MGAM: variants seen among roughly 807,000 people sequenced by gnomAD.
MGAM encodes the protein alpha-1,4-glucosidase.
Under a neutral mutation model 358.8 loss-of-function variants are expected in MGAM, and 253 were observed. That is an observed-to-expected ratio of 0.71 (90% confidence interval 0.64 to 0.78). MGAM has a LOEUF of 0.78. Ranked by LOEUF, MGAM falls within the 30% of genes least tolerant of loss-of-function variation. The probability of loss-of-function intolerance (pLI) is 0.00; values close to 1 mark genes in which losing one functional copy is unlikely to be tolerated. For synonymous variants in MGAM, 1,105 were observed against 1,227.1 expected (o/e 0.90, Z 2.08); for missense variants, 3,080 against 3,432.6 (o/e 0.90, Z 2.57).
At chr7:142,077,611 G>A (rs1240838755) in intron 47 of MGAM, among the ~76,000 whole-genome samples, 2 of 144,862 alleles carry the variant, frequency 1.4e-5, no homozygotes, top group African/African-American at 4.9e-5. Flanking sequence ...TGTTAGAAGT[G>A]GAAAGAAAGA....
chr7:142,069,642 T>C (rs1181266787), intron 43 of MGAM, among the ~76,000 whole-genome samples: 9 of 145,444 alleles, frequency 6.2e-5, no homozygotes, highest in Admixed American at 5.5e-4. Context: ...TCTCAGTCCA[T>C]TGGAGCCCAA....
intron 57 of MGAM, among the ~76,000 whole-genome samples, chr7:142,090,607 G>T (rs1815291922): frequency 6.9e-6 from 1 of 145,602 alleles, no homozygotes; most frequent in African/African-American, 2.4e-5. Context: ...GTAGACATAT[G>T]GGTTCCTACC....
Position 142,092,317 on chromosome 7 carries a change from T to A in MGAM, c.6946-204T>A, listed in dbSNP as rs149122405. 4.2e-4 allele frequency among the ~76,000 whole-genome samples: 62 copies of A among 146,056 alleles called. 4 individuals are homozygous for A. The highest frequency in any genetic ancestry group is 1.0e-3 in the African/African-American group (41 of 41,164). The stretch of plus-strand genomic sequence containing the variant: ...CCTCACGCCCACCTTGAGAGAGATT[T>A]TTTTTTAACCCTCTAGCCAGTTGTT... On this transcript the variant is annotated intron_variant, in intron 58 of 70. Coordinates refer to ENST00000475668, the MANE Select transcript of MGAM (RefSeq NM_001365693.1).
rs767098256 is a variant in MGAM at position 142,059,538 on chromosome 7, G to C, written c.3886G>C (p.Ala1296Pro). 1.4e-5 allele frequency: 22 copies of C among 1,613,058 alleles called. No homozygotes were observed. The highest frequency in any genetic ancestry group is 1.8e-5 in the Non-Finnish European group (21 of 1,179,234). ...QLDFTLSPKF[A>P]GFPALINRMK... Reference sequence around the variant, plus strand: ...GGACTTCACCCTCAGCCCCAAGTTTGCTGGGTTTCCAGCTCTGATCAATCG... The same window carrying C: ...GGACTTCACCCTCAGCCCCAAGTTTCCTGGGTTTCCAGCTCTGATCAATCG... The change falls in exon 32 of 71, where the codon GCT (alanine) becomes CCT (proline). Residue 1296 changes from alanine (A) to proline (P), a missense_variant. Physicochemically the swap from Ala to Pro is conservative, Grantham distance 27. Transcript: ENST00000475668.
intron 26 of MGAM, among the ~76,000 whole-genome samples, chr7:142,054,112 C>T (rs1327926002): frequency 2.6e-5 from 4 of 152,240 alleles, no homozygotes; most frequent in Admixed American, 2.6e-4. Flanking sequence ...GTGAGACCGT[C>T]TCAGTCTCCC....
chr7:142,062,591 C>T lies in MGAM; in HGVS notation c.4146C>T (p.Phe1382=). 6.2e-6 allele frequency: 10 copies of T among 1,607,850 alleles called. No homozygotes were observed. Among genetic ancestry groups the T allele is most frequent in the Non-Finnish European group, 8.5e-6 (10 of 1,176,278 alleles). ...QVELYRAYVA[F]PDFFRNSTAK... ...AGCTATATCGAGCTTATGTGGCCTT[C>T]CCAGACTTTTTCCGTAATTCAACTG... The change falls in exon 35 of 71, where the codon TTC becomes TTT. Residue 1382 remains phenylalanine, a synonymous_variant. Transcript: ENST00000475668.
At position 142,042,527 on chromosome 7, in the gene MGAM, TTA is replaced by T. The variant is rs1554469827; in HGVS notation, c.2498+1690_2498+1691del. 5.0e-3 allele frequency among the ~76,000 whole-genome samples: 10 copies of T among 2,012 alleles called. 4 individuals carry two copies. The highest frequency in any genetic ancestry group is 7.9e-3 in the African/African-American group (2 of 252). 1.3% of individuals were successfully genotyped at this position (2,012 alleles called of 152,430 possible). A position where few individuals can be genotyped will look rare whatever the true frequency, so the allele number is the denominator to read the frequency against. On this transcript the variant is annotated intron_variant, in intron 21 of 70. Coordinates refer to ENST00000475668, the MANE Select transcript of MGAM (RefSeq NM_001365693.1). ...ATATAATATATATTATATATACATA[TTA>T]TATATATAATATATATTATATATAC...
intron 56 of MGAM, 44 bp from the exon 57 acceptor site, chr7:142,086,611 G>A (rs1401182017): frequency 1.0e-6 from 1 of 962,566 alleles, no homozygotes; most frequent in Non-Finnish European, 1.5e-6. Context: ...CTATGTAAGG[G>A]AAATTGTCTA....
chr7:142,034,789 T>G lies in MGAM; in HGVS notation c.1907T>G (p.Leu636Arg), dbSNP rs1563135360. Residue 636 changes from leucine (L) to arginine (R), a missense_variant, in exon 16 of 71, where the codon CTG becomes CGG. Coordinates refer to ENST00000475668, the MANE Select transcript of MGAM (RefSeq NM_001365693.1). ...LGDNTATWDD[L>R]RWSIPGVLEF... ...GACAACACTGCCACCTGGGATGACC[T>G]GAGATGGTCCATCCCTGGCGTGCTT... 6.2e-7 allele frequency: 1 copy of G among 1,613,442 alleles called. No homozygotes were observed. Among genetic ancestry groups the G allele is most frequent in the Non-Finnish European group, 8.5e-7 (1 of 1,179,520 alleles).
At chr7:142,051,162 G>C (rs998951651) in intron 24 of MGAM, among the ~76,000 whole-genome samples, 1 of 152,128 alleles carries the variant, frequency 6.6e-6, no homozygotes, top group Non-Finnish European at 1.5e-5. Context: ...TGGAAAGTGG[G>C]GAATAGCCTG....
intron 19 of MGAM, among the ~76,000 whole-genome samples, chr7:142,039,199 G>A (rs895401433): frequency 4.7e-5 from 7 of 148,356 alleles, no homozygotes; most frequent in East Asian, 2.0e-4. Flanking sequence ...TCCAACTCCT[G>A]GGTTCACATG....
intron 49 of MGAM, 32 bp from the exon 50 acceptor site, chr7:142,080,759 T>C (rs777624121): frequency 5.9e-6 from 9 of 1,529,426 alleles, no homozygotes; most frequent in Non-Finnish European, 5.4e-6. Context: ...AAGAGTAGTA[T>C]TCTTGCCTAA....
Position 142,004,340 on chromosome 7 carries a change from G to T in MGAM, c.-2-1189G>T, listed in dbSNP as rs1015597282. ...GATTAAAAATGTAGTGTACCTATATGCCATGGAATACTACTCATCCATAAA... is the reference window on the plus strand; with the variant it reads ...GATTAAAAATGTAGTGTACCTATATTCCATGGAATACTACTCATCCATAAA... On this transcript the variant is annotated intron_variant, in intron 1 of 70. Coordinates refer to ENST00000475668, the MANE Select transcript of MGAM (RefSeq NM_001365693.1). 3 of 152,108 alleles carry T rather than the reference G, an allele frequency of 2.0e-5. No homozygotes were observed. In the South Asian group the frequency reaches 6.2e-4, roughly 32 times the overall value. 9.4% of individuals were successfully genotyped at this position (152,108 alleles called of 1,614,324 possible). A position where few individuals can be genotyped will look rare whatever the true frequency, so the allele number is the denominator to read the frequency against.
intron 21 of MGAM, among the ~76,000 whole-genome samples, chr7:142,041,552 G>C (rs1016012614): frequency 6.6e-6 from 1 of 151,812 alleles, no homozygotes; most frequent in Non-Finnish European, 1.5e-5. Flanking sequence ...TTGCTCCCAG[G>C]CTTGAAGTCC....
intron 15 of MGAM, 121 bp downstream of exon 15, chr7:142,034,500 A>G (rs1337805996): frequency 1.0e-6 from 1 of 990,038 alleles, no homozygotes; most frequent in Admixed American, 2.6e-5. Context: ...AAAGCAAAAC[A>G]AAACATTTAA....
intron 57 of MGAM, among the ~76,000 whole-genome samples, chr7:142,089,584 A>G (rs1460647012): frequency 6.8e-6 from 1 of 146,034 alleles, no homozygotes; most frequent in African/African-American, 2.4e-5. Flanking sequence ...CGAGGTCAGG[A>G]GTTCAAGATC....
chr7:142,083,512 T>G, intron 53 of MGAM, 99 bp downstream of exon 53: 1 of 865,870 alleles, frequency 1.2e-6, no homozygotes, highest in Admixed American at 2.8e-5. Flanking sequence ...TAACTGGAAT[T>G]ATTGGTATTA....
Position 142,063,671 on chromosome 7 carries a change from A to G in MGAM, c.4345+85A>G, listed in dbSNP as rs569481743. 5 of 1,429,430 alleles carry G rather than the reference A, an allele frequency of 3.5e-6. No individual in the cohort carries two copies. In the South Asian group the frequency reaches 4.9e-5, roughly 14 times the overall value. 88.5% of individuals were successfully genotyped at this position (1,429,430 alleles called of 1,614,324 possible). On this transcript the variant is annotated intron_variant, in intron 36 of 70. Coordinates refer to ENST00000475668, the MANE Select transcript of MGAM (RefSeq NM_001365693.1). ...AGCCCGAGGCCAGGGGCAGCCCCAC[A>G]GCTGAGGGCACATCCTCATGGCTGC...
At chr7:142,104,201 A>G (rs770599337) in intron 70 of MGAM, among the ~76,000 whole-genome samples, 2 of 152,138 alleles carry the variant, frequency 1.3e-5, no homozygotes, top group African/African-American at 2.4e-5. Context: ...TTCTTTAGCC[A>G]TAAAGTTTTA....
Sources: gnomAD v4.1 joint callset for allele counts (sites outside exome capture counted in the v4.1 genomes callset) on GRCh38, gnomAD v4.1.1 for gene constraint, MANE v1.5 for transcripts, NCBI Gene and HGNC (gene_info 2026-07-23, HGNC 2026-07-21) for gene names.